Variants in PDE3B observed in about 807,000 individuals in gnomAD.
PDE3B encodes cGMP-inhibited 3',5'-cyclic phosphodiesterase 3B.
A neutral mutation model predicts 116.8 loss-of-function variants in PDE3B; 66 were observed. The observed-to-expected ratio is 0.56, with a 90% CI of 0.46 to 0.69. PDE3B has a LOEUF of 0.69. Ranked by LOEUF, PDE3B falls within the 30% of genes least tolerant of loss-of-function variation. The pLI is 0.00. For synonymous variants in PDE3B, 595 were observed against 533.6 expected (o/e 1.12, Z -1.59); for missense variants, 1,384 against 1,368.1 (o/e 1.01, Z -0.18).
intron 1 of PDE3B, among the ~76,000 whole-genome samples, chr11:14,657,328 T>C (rs1853742326): frequency 6.6e-6 from 1 of 152,192 alleles, no homozygotes; most frequent in African/African-American, 2.4e-5. Context: ...AGAGAAACTG[T>C]ATGTAAAAAA....
the PDE3B span, among the ~76,000 whole-genome samples, chr11:14,897,388 A>G: frequency 2.6e-5 from 4 of 152,190 alleles, no homozygotes; most frequent in Non-Finnish European, 5.9e-5. Context: ...TTACAGGTCA[A>G]TGCCCTCAGA....
chr11:14,847,227 C>A (rs1007279442), intron 12 of PDE3B, among the ~76,000 whole-genome samples: 2 of 151,998 alleles, frequency 1.3e-5, no homozygotes, highest in African/African-American at 2.4e-5. Context: ...GAACAACCTG[C>A]TCCTGAATGA....
chr11:14,878,171 C>G, the PDE3B span: 1 of 1,613,082 alleles, frequency 6.2e-7, no homozygotes, highest in East Asian at 2.2e-5. Context: ...CAATGTCATG[C>G]CTAACCTGGG....
At chr11:14,686,125 A>G (rs1854866146) in intron 1 of PDE3B, among the ~76,000 whole-genome samples, 1 of 152,160 alleles carries the variant, frequency 6.6e-6, no homozygotes, top group Admixed American at 6.5e-5. Context: ...AACTTCTTCA[A>G]CCAGTCTTTT....
rs1286123788 is a variant in PDE3B at position 14,835,505 on chromosome 11, A to G, written c.2320+410A>G. Among the ~76,000 whole-genome samples, 55 of 152,184 alleles carry G rather than the reference A, an allele frequency of 3.6e-4. 1 individual carries two copies. The highest frequency in any genetic ancestry group is 3.6e-3 in the Admixed American group (55 of 15,276). On this transcript the variant is annotated intron_variant, in intron 11 of 15. Coordinates refer to ENST00000282096, the MANE Select transcript of PDE3B (RefSeq NM_000922.4). ...AAAATACATAACATTCAAAAACCAA[A>G]GAGAACATTTTCAAAAGCCTTGCAA...
chr11:14,790,496 T>G (rs905669146), intron 4 of PDE3B, among the ~76,000 whole-genome samples: 6 of 152,106 alleles, frequency 3.9e-5, no homozygotes, highest in Non-Finnish European at 5.9e-5. Flanking sequence ...CATACTGATG[T>G]AACAGCAATG....
intron 1 of PDE3B, among the ~76,000 whole-genome samples, chr11:14,652,149 T>G (rs1259665017): frequency 6.6e-6 from 1 of 152,188 alleles, no homozygotes; most frequent in Non-Finnish European, 1.5e-5. Context: ...TACAAAATTT[T>G]GTATAATTAC....
intron 12 of PDE3B, among the ~76,000 whole-genome samples, chr11:14,845,243 C>T (rs1847572461): frequency 1.3e-5 from 2 of 152,064 alleles, no homozygotes; most frequent in South Asian, 4.1e-4. Context: ...TGGAGTGCAC[C>T]TCTAGCAAAC....
chr11:14,715,593 CTT>C (rs1463742664), intron 1 of PDE3B, among the ~76,000 whole-genome samples: 1 of 152,102 alleles, frequency 6.6e-6, no homozygotes, highest in African/African-American at 2.4e-5. Context: ...ATGCTTGTGT[CTT>C]TTGCACATTG....
intron 5 of PDE3B, among the ~76,000 whole-genome samples, chr11:14,807,968 G>T (rs758023610): frequency 6.6e-6 from 1 of 151,664 alleles, no homozygotes; most frequent in Non-Finnish European, 1.5e-5. Context: ...GTTGAGGCAC[G>T]AGAATCGCTT....
At chr11:14,753,951 A>G (rs1346314367) in intron 1 of PDE3B, among the ~76,000 whole-genome samples, 2 of 152,014 alleles carry the variant, frequency 1.3e-5, no homozygotes, top group East Asian at 3.9e-4. Flanking sequence ...TTTATTTTGT[A>G]ATAAGATAGA....
At chr11:14,713,940 A>G (rs1248722756) in intron 1 of PDE3B, among the ~76,000 whole-genome samples, 1 of 152,188 alleles carries the variant, frequency 6.6e-6, no homozygotes, top group Non-Finnish European at 1.5e-5. Flanking sequence ...ATTTGGCTAG[A>G]GTTCAAGATG....
At chr11:14,669,890 G>A (rs982523352) in intron 1 of PDE3B, among the ~76,000 whole-genome samples, 4 of 152,084 alleles carry the variant, frequency 2.6e-5, no homozygotes, top group Non-Finnish European at 4.4e-5. Flanking sequence ...TGCTTAAGAA[G>A]AATAGGCATA....
In PDE3B at chr11:14,818,203, C is replaced by T. The variant is rs1859391254; in HGVS notation, c.1543C>T (p.Pro515Ser). 1 of 1,611,934 alleles carries T rather than the reference C, an allele frequency of 6.2e-7. No individual in the cohort carries two copies. The highest frequency in any genetic ancestry group is 1.7e-5 in the Admixed American group (1 of 59,946). ...TAAAGGTGTTTTGTCCAGTCTGAGT[C>T]CTGTGAATTCTTCCAACCATGGACC... Reference protein sequence around the residue: ...RRAGVLSSLSPVNSSNHGPVS... With the variant: ...RRAGVLSSLSSVNSSNHGPVS... Residue 515 changes from proline (P) to serine (S), a missense_variant, in exon 6 of 16, where the codon CCT (proline) becomes TCT (serine). This residue lies in a region of PDE3B where 956 missense variants were observed against 806.8 expected (regional missense o/e 1.18). Transcript: ENST00000282096.
chr11:14,880,098 G>T, the PDE3B span: 1 of 1,608,546 alleles, frequency 6.2e-7, no homozygotes, highest in South Asian at 1.1e-5. Flanking sequence ...AACCCTACAT[G>T]TAAGGATAGA....
At chr11:14,805,980 A>C (rs780472974) in intron 5 of PDE3B, among the ~76,000 whole-genome samples, 4 of 152,234 alleles carry the variant, frequency 2.6e-5, no homozygotes, top group Non-Finnish European at 5.9e-5. Flanking sequence ...ATCACTAAAA[A>C]GTCAGGAAAC....
At chr11:14,893,667 C>CAA in the PDE3B span, among the ~76,000 whole-genome samples, 1 of 152,144 alleles carries the variant, frequency 6.6e-6, no homozygotes, top group Non-Finnish European at 1.5e-5. Context: ...AGTTTGAATC[C>CAA]TTCCAACATC....
chr11:14,837,720 T>G (rs1860097138), intron 11 of PDE3B, among the ~76,000 whole-genome samples: 1 of 152,218 alleles, frequency 6.6e-6, no homozygotes, highest in Admixed American at 6.5e-5. Flanking sequence ...TTATGAGTTC[T>G]CATACATAGT....
chr11:14,762,647 A>G (rs1046963387), intron 1 of PDE3B, among the ~76,000 whole-genome samples: 1 of 152,210 alleles, frequency 6.6e-6, no homozygotes, highest in Non-Finnish European at 1.5e-5. Flanking sequence ...TTGAGAATAG[A>G]TTCTACCTGG....
Sources: gnomAD v4.1 joint callset for allele counts (sites outside exome capture counted in the v4.1 genomes callset) on GRCh38, gnomAD v4.1.1 for gene constraint, gnomAD v4.1.1 regional missense constraint, MANE v1.5 for transcripts, NCBI Gene and HGNC (gene_info 2026-07-23, HGNC 2026-07-21) for gene names.